Variants in SNX29 observed in about 807,000 individuals in gnomAD.
SNX29 encodes the protein sorting nexin 29, also known as sorting nexin-29.
A neutral mutation model predicts 102.1 loss-of-function variants in SNX29; 78 were observed. That is an observed-to-expected ratio of 0.76 (90% CI 0.64 to 0.92). SNX29 has a LOEUF of 0.92. SNX29 is among the 40% of genes least tolerant of loss of function. The pLI is 0.00. For missense variants in SNX29, 1,280 were observed against 1,061.7 expected (o/e 1.21, Z -2.86); for synonymous variants, 580 against 414.5 (o/e 1.40, Z -4.85).
chr16:12,385,047 A>G (rs929571681), intron 16 of SNX29, among the ~76,000 whole-genome samples: 2 of 152,194 alleles, frequency 1.3e-5, no homozygotes, highest in African/African-American at 4.8e-5. Flanking sequence ...GCGCACGCCT[A>G]TAGTACTAGC....
At chr16:12,523,577 G>A (rs1597728434) in intron 19 of SNX29, among the ~76,000 whole-genome samples, 1 of 152,218 alleles carries the variant, frequency 6.6e-6, no homozygotes, top group East Asian at 1.9e-4. Flanking sequence ...ACGTGACAGT[G>A]TGGAGCCCCT....
In SNX29 at chr16:12,148,424, G is replaced by A. The variant is rs143412734; in HGVS notation, c.1595+18666G>A. On this transcript the variant is annotated intron_variant, in intron 13 of 20. Coordinates refer to ENST00000566228, the MANE Select transcript of SNX29 (RefSeq NM_032167.5). ...GGTCTCTGCCTCTCTTTCTGTATCTGGCAAGGCTCTTTCCCAAGTTTGTTA... is the reference window on the plus strand; with the variant it reads ...GGTCTCTGCCTCTCTTTCTGTATCTAGCAAGGCTCTTTCCCAAGTTTGTTA... Among the ~76,000 whole-genome samples the A allele has an allele frequency of 3.3e-3, 506 of 151,326 alleles. 4 individuals are homozygous for A. The highest frequency in any genetic ancestry group is 0.011 in the African/African-American group (473 of 41,250).
At chr16:12,560,229 G>C (rs1266935147) in intron 20 of SNX29, among the ~76,000 whole-genome samples, 2 of 149,052 alleles carry the variant, frequency 1.3e-5, no homozygotes, top group East Asian at 3.9e-4. Context: ...GCCAGAGCTT[G>C]CAGAAGAAAA....
chr16:12,220,252 G>A (rs969152200), intron 14 of SNX29, among the ~76,000 whole-genome samples: 2 of 142,684 alleles, frequency 1.4e-5, no homozygotes, highest in Non-Finnish European at 3.0e-5. Context: ...CACTTTTTGT[G>A]TTGGTTCTGC....
In SNX29 at chr16:12,161,013, C is replaced by T. The variant is rs191641997; in HGVS notation, c.1595+31255C>T. On this transcript the variant is annotated intron_variant, in intron 13 of 20. Coordinates refer to ENST00000566228, the MANE Select transcript of SNX29 (RefSeq NM_032167.5). ...GCTTTCCTGATTTTTCTCAGGATTG[C>T]TGACATGCTACAGCTGATCAAAACC... Among the ~76,000 whole-genome samples the T allele has an allele frequency of 6.4e-4, 97 of 152,322 alleles. No homozygotes were observed. The East Asian group carries it at 0.019, about 29-fold the overall frequency.
In SNX29 at chr16:12,573,647, A is replaced by G. The variant is rs368561699; in HGVS notation, c.*5018A>G. On this transcript the variant is annotated 3_prime_UTR_variant, in exon 21 of 21. Coordinates refer to ENST00000566228, the MANE Select transcript of SNX29 (RefSeq NM_032167.5). The stretch of plus-strand genomic sequence containing the variant: ...TCCATGAACGGCAAGGGGAACCACC[A>G]CTCATTCACTGTCAGTGTAGGTAAG... 5 of 221,960 alleles carry G rather than the reference A, an allele frequency of 2.3e-5. No individual in the cohort carries two copies. The highest frequency in any genetic ancestry group is 1.8e-4 in the South Asian group (1 of 5,444). 13.7% of individuals were successfully genotyped at this position (221,960 alleles called of 1,614,324 possible). A position where few individuals can be genotyped will look rare whatever the true frequency, so the allele number is the denominator to read the frequency against.
chr16:12,572,474 A>C lies in SNX29; in HGVS notation c.*3845A>C. Reference sequence around the variant, plus strand: ...ATGGTACATTTTGCCAACCCTGAGGACCAGTTCTTGGGGTTCCAGGCCTCG... The same window carrying C: ...ATGGTACATTTTGCCAACCCTGAGGCCCAGTTCTTGGGGTTCCAGGCCTCG... On this transcript the variant is annotated 3_prime_UTR_variant, in exon 21 of 21. Transcript: ENST00000566228. The C allele has an allele frequency of 1.2e-5, 13 of 1,063,624 alleles. No homozygotes were observed. The highest frequency in any genetic ancestry group is 1.5e-5 in the Non-Finnish European group (13 of 878,262). The allele number at this position is 1,063,624 out of a possible 1,614,324, so 65.9% of individuals were successfully genotyped here. A position where few individuals can be genotyped will look rare whatever the true frequency, so the allele number is the denominator to read the frequency against.
At chr16:12,332,814 C>G (rs548554812) in intron 15 of SNX29, among the ~76,000 whole-genome samples, 15 of 152,230 alleles carry the variant, frequency 9.9e-5, no homozygotes, top group African/African-American at 3.4e-4. Context: ...CCTGTCTGCT[C>G]CTCTTTCATT....
At chr16:12,467,654 TC>T (rs200874497) in intron 18 of SNX29, among the ~76,000 whole-genome samples, 8,699 of 140,418 alleles carry the variant, frequency 0.062, 473 homozygotes, top group East Asian at 0.2. Context: ...ATTCATTCAT[TC>T]CATTCACTCA....
At chr16:11,989,356 C>T (rs943449716) in intron 1 of SNX29, among the ~76,000 whole-genome samples, 3 of 152,156 alleles carry the variant, frequency 2.0e-5, no homozygotes, top group African/African-American at 7.2e-5. Context: ...ACATGGATGG[C>T]CCGAGCCCAT....
chr16:12,311,956 G>A (rs559169000), intron 15 of SNX29, among the ~76,000 whole-genome samples: 5 of 152,256 alleles, frequency 3.3e-5, no homozygotes, highest in South Asian at 2.1e-4. Context: ...ATGAGGAACC[G>A]GGGCCCAGGT....
At chr16:12,448,381 T>A (rs2151703628) in intron 18 of SNX29, among the ~76,000 whole-genome samples, 1 of 152,310 alleles carries the variant, frequency 6.6e-6, no homozygotes, top group East Asian at 1.9e-4. Flanking sequence ...TTTACCTGAT[T>A]CCCATGATAC....
chr16:12,147,246 A>C (rs1268610676), intron 13 of SNX29, among the ~76,000 whole-genome samples: 1 of 152,220 alleles, frequency 6.6e-6, no homozygotes, highest in African/African-American at 2.4e-5. Context: ...GATGTGAAAA[A>C]CATGCAGCTG....
intron 1 of SNX29, among the ~76,000 whole-genome samples, chr16:11,993,749 C>T (rs1470025213): frequency 6.6e-6 from 1 of 152,096 alleles, no homozygotes. Context: ...AGGCAGAAGG[C>T]TAGAGATTTG....
chr16:12,566,911 A>T (rs955957086), intron 20 of SNX29, among the ~76,000 whole-genome samples: 3 of 152,262 alleles, frequency 2.0e-5, no homozygotes, highest in African/African-American at 7.2e-5. Context: ...AATCATTAAA[A>T]GGGGTCTTCA....
chr16:12,548,735 C>T (rs773224478), intron 20 of SNX29, among the ~76,000 whole-genome samples: 3 of 152,106 alleles, frequency 2.0e-5, no homozygotes, highest in African/African-American at 4.8e-5. Context: ...TCCAGGGCTC[C>T]AAGGTGTTTT....
chr16:12,042,540 C>G (rs1361354293), intron 4 of SNX29, among the ~76,000 whole-genome samples: 1 of 152,112 alleles, frequency 6.6e-6, no homozygotes, highest in East Asian at 1.9e-4. Context: ...TCTGTGTGTA[C>G]CCAGGGTTGA....
At position 12,569,133 on chromosome 16, in the gene SNX29, G is replaced by A. The variant is rs796229078; in HGVS notation, c.*504G>A. The A allele has an allele frequency of 3.0e-5, 4 of 132,952 alleles. No homozygotes were observed. Among genetic ancestry groups the A allele is most frequent in the African/African-American group, 1.1e-4 (3 of 28,172 alleles). 8.2% of individuals were successfully genotyped at this position (132,952 alleles called of 1,614,324 possible). A position where few individuals can be genotyped will look rare whatever the true frequency, so the allele number is the denominator to read the frequency against. On this transcript the variant is annotated 3_prime_UTR_variant, in exon 21 of 21. Transcript: ENST00000566228. The stretch of plus-strand genomic sequence containing the variant: ...GATGGCTGGCTTTGCGGGGGGGGGG[G>A]GGGGGGGGGGCATGGTTCCTTTCAC...
At chr16:12,189,406 G>A (rs1486913340) in intron 13 of SNX29, among the ~76,000 whole-genome samples, 1 of 152,144 alleles carries the variant, frequency 6.6e-6, no homozygotes, top group Non-Finnish European at 1.5e-5. Flanking sequence ...AAGATGATAG[G>A]CCAGTTTATT....
Sources: gnomAD v4.1 joint callset for allele counts (sites outside exome capture counted in the v4.1 genomes callset) on GRCh38, gnomAD v4.1.1 for gene constraint, MANE v1.5 for transcripts, NCBI Gene and HGNC (gene_info 2026-07-23, HGNC 2026-07-21) for gene names.